PHF21A: variants seen among roughly 807,000 people sequenced by gnomAD.
PHF21A encodes the protein PHD finger protein 21A.
In PHF21A, 11 loss-of-function variants were observed where a neutral mutation model predicts 82.5. That is an observed-to-expected ratio of 0.13 (90% CI 0.08 to 0.22). PHF21A has a LOEUF of 0.22. PHF21A is among the 10% of genes least tolerant of loss of function. PHF21A has a pLI of 1.00. For missense variants in PHF21A, 579 were observed against 837.8 expected, an observed-to-expected ratio of 0.69 and a Z score of 3.81; for synonymous variants, 297 against 302.8, an observed-to-expected ratio of 0.98 and a Z score of 0.20.
chr11:46,014,116 G>A (rs1214975811), intron 6 of PHF21A, among the ~76,000 whole-genome samples: 2 of 152,084 alleles, frequency 1.3e-5, no homozygotes, highest in Admixed American at 6.5e-5. Flanking sequence ...TGACCCACAT[G>A]GTGAACATAG....
intron 6 of PHF21A, among the ~76,000 whole-genome samples, chr11:46,049,225 T>C (rs920151707): frequency 2.0e-5 from 3 of 152,196 alleles, no homozygotes; most frequent in Non-Finnish European, 2.9e-5. Context: ...TAAGAGAAAG[T>C]AATACAGAAC....
chr11:45,974,027 A>C (rs189495076), intron 7 of PHF21A, among the ~76,000 whole-genome samples: 2 of 152,320 alleles, frequency 1.3e-5, no homozygotes, highest in African/African-American at 4.8e-5. Context: ...CACTTTAAAA[A>C]CACTGAAACC....
intron 6 of PHF21A, among the ~76,000 whole-genome samples, chr11:46,059,549 CCAAGTAGCTGGGACTA>C (rs1165659712): frequency 6.6e-6 from 1 of 152,040 alleles, no homozygotes; most frequent in East Asian, 1.9e-4. Flanking sequence ...ACTCAGCTTC[CCAAGTAGCTGGGACTA>C]CACACATGCC....
chr11:46,099,247 AAAC>A (rs1368390852), intron 1 of PHF21A, among the ~76,000 whole-genome samples: 2 of 152,254 alleles, frequency 1.3e-5, no homozygotes, highest in African/African-American at 4.8e-5. Context: ...CATGCACACA[AAAC>A]AAAACTCAAC....
chr11:46,075,861 C>T (rs1205214317), intron 6 of PHF21A, among the ~76,000 whole-genome samples: 2 of 152,146 alleles, frequency 1.3e-5, no homozygotes, highest in Non-Finnish European at 2.9e-5. Context: ...CACTAAATAA[C>T]ATTAAGTAAC....
At chr11:46,051,424 C>T (rs2139164881) in intron 6 of PHF21A, among the ~76,000 whole-genome samples, 1 of 152,282 alleles carries the variant, frequency 6.6e-6, no homozygotes, top group Non-Finnish European at 1.5e-5. Flanking sequence ...TTACCTCCCA[C>T]CTCCATTCTC....
chr11:46,011,730 A>C (rs1488774386), intron 6 of PHF21A, among the ~76,000 whole-genome samples: 10 of 152,200 alleles, frequency 6.6e-5, no homozygotes, highest in Admixed American at 3.3e-4. Flanking sequence ...AAGTTCCCTA[A>C]AGCAAAATAG....
chr11:46,084,680 ATTT>A (rs11321400), intron 3 of PHF21A, among the ~76,000 whole-genome samples: 19 of 132,268 alleles, frequency 1.4e-4, no homozygotes, highest in Admixed American at 3.0e-4. Context: ...CAGAATCATA[ATTT>A]TTTTTTTTTT....
intron 7 of PHF21A, among the ~76,000 whole-genome samples, chr11:45,977,894 C>T (rs2094113895): frequency 6.7e-6 from 1 of 149,470 alleles, no homozygotes; most frequent in Non-Finnish European, 1.5e-5. Context: ...GTTGAATGGA[C>T]CTATTTTTCA....
At chr11:45,986,084 A>ACACACACACACACACACACACAC (rs10529223) in intron 6 of PHF21A, among the ~76,000 whole-genome samples, 3 of 132,202 alleles carry the variant, frequency 2.3e-5, no homozygotes, top group Non-Finnish European at 3.2e-5. Context: ...CTTCCTTCAA[A>ACACACACACACACACACACACAC]ACACACACAC....
At chr11:45,976,013 C>T (rs1009123823) in intron 7 of PHF21A, among the ~76,000 whole-genome samples, 14 of 152,088 alleles carry the variant, frequency 9.2e-5, no homozygotes, top group Admixed American at 6.6e-4. Context: ...TCCCATTTGT[C>T]CTTGCCTTAG....
intron 6 of PHF21A, among the ~76,000 whole-genome samples, chr11:46,052,970 A>C (rs954996574): frequency 2.0e-5 from 3 of 152,218 alleles, no homozygotes; most frequent in African/African-American, 7.2e-5. Context: ...GTAGAAGAAT[A>C]ATTCTCACAT....
intron 11 of PHF21A, among the ~76,000 whole-genome samples, chr11:45,950,881 C>A (rs1269613338): frequency 1.3e-5 from 2 of 152,170 alleles, no homozygotes; most frequent in Non-Finnish European, 2.9e-5. Flanking sequence ...ATTTATACTG[C>A]CACAATGCTA....
chr11:45,949,556 A>T, intron 12 of PHF21A, 75 bp from the exon 13 acceptor site: 1 of 1,201,874 alleles, frequency 8.3e-7, no homozygotes, highest in South Asian at 1.2e-5. Flanking sequence ...TGTTTTATCT[A>T]TTGGTTTTCC....
intron 6 of PHF21A, among the ~76,000 whole-genome samples, chr11:46,064,177 A>G (rs978570588): frequency 1.3e-5 from 2 of 152,190 alleles, no homozygotes; most frequent in Non-Finnish European, 2.9e-5. Flanking sequence ...AAAGCAGATG[A>G]GTAATAATCA....
At chr11:45,974,665 G>C (rs1260408330) in intron 7 of PHF21A, among the ~76,000 whole-genome samples, 2 of 151,906 alleles carry the variant, frequency 1.3e-5, no homozygotes. Flanking sequence ...ATGTTGCCCA[G>C]GCTGGTCTAG....
chr11:46,057,119 A>G (rs917112542), intron 6 of PHF21A, among the ~76,000 whole-genome samples: 1 of 152,132 alleles, frequency 6.6e-6, no homozygotes, highest in Admixed American at 6.6e-5. Context: ...TTTTTCCCCA[A>G]GTTCATTTTG....
intron 6 of PHF21A, among the ~76,000 whole-genome samples, chr11:46,042,822 A>G (rs1201248869): frequency 6.6e-6 from 1 of 151,988 alleles, no homozygotes; most frequent in Non-Finnish European, 1.5e-5. Flanking sequence ...AGAAGGTGCT[A>G]TCTATGAAGC....
intron 6 of PHF21A, among the ~76,000 whole-genome samples, chr11:46,014,104 T>C (rs1395069925): frequency 6.6e-6 from 1 of 152,234 alleles, no homozygotes; most frequent in African/African-American, 2.4e-5. Context: ...CTATTGATCC[T>C]GTGACCCACA....
Sources: allele counts gnomAD v4.1 joint callset (sites outside exome capture counted in the v4.1 genomes callset), GRCh38; gene constraint gnomAD v4.1.1; transcripts MANE v1.5; gene names NCBI Gene and HGNC (gene_info 2026-07-23, HGNC 2026-07-21).